The following TTC23 variants were observed in gnomAD, a reference collection of about 807,000 sequenced individuals.
The protein encoded by TTC23 is tetratricopeptide repeat protein 23.
In TTC23, 58 loss-of-function variants were observed where a neutral mutation model predicts 55.1. The observed-to-expected ratio is 1.05, with a 90% CI of 0.85 to 1.31. The LOEUF (loss-of-function observed/expected upper bound fraction) is 1.31, where lower values mean the gene tolerates loss of function less well. Ranked by LOEUF, TTC23 falls within the 50% of genes most tolerant of loss-of-function variation. The pLI is 0.00. For missense variants in TTC23, 516 were observed against 534.4 expected (o/e 0.97, Z 0.34); for synonymous variants, 203 against 199.9 (o/e 1.02, Z -0.13).
chr15:99,197,748 A>G lies in TTC23; in HGVS notation c.759+2171T>C, dbSNP rs2151985930. On this transcript the variant is annotated intron_variant, in intron 9 of 13. Transcript: ENST00000394132. ...TGGTAAAACATCATCTCTACTAAAA[A>G]TACAAAAATTAGCCAGGCATGGTGG... Among the ~76,000 whole-genome samples the G allele has an allele frequency of 3.3e-5, 5 of 152,042 alleles. No individual in the cohort carries two copies. The South Asian group carries it at 1.0e-3, about 32-fold the overall frequency.
At chr15:99,174,833 A>T (rs543892369) in intron 10 of TTC23, among the ~76,000 whole-genome samples, 1 of 152,372 alleles carries the variant, frequency 6.6e-6, no homozygotes, top group African/African-American at 2.4e-5. Context: ...TGTATTTAAG[A>T]ATAAAAGACT....
At position 99,138,096 on chromosome 15, in the gene TTC23, C is replaced by T. The variant is rs782004348; in HGVS notation, c.1258G>A (p.Ala420Thr). 9 of 1,613,218 alleles carry T rather than the reference C, an allele frequency of 5.6e-6. No individual in the cohort carries two copies. In the Admixed American group the frequency reaches 1.5e-4, roughly 27 times the overall value. The part of the protein sequence containing the change: ...APKVASKPRQ[A>T]SKAKVAFCTS... ...CAGAAGGCCACTTTGGCTTTTGATG[C>T]CTGCCTTGGCTTCGAAGCAACCTTG... The change falls in exon 14 of 14, where the codon GCA becomes ACA. Residue 420 changes from alanine to threonine, a missense_variant. Physicochemically the swap from Ala to Thr is moderately conservative, Grantham distance 58 (BLOSUM62 0). Coordinates refer to ENST00000394132, the MANE Select transcript of TTC23 (RefSeq NM_001288615.3).
chr15:99,142,935 C>T (rs1555491192), intron 12 of TTC23, among the ~76,000 whole-genome samples: 1 of 152,230 alleles, frequency 6.6e-6, no homozygotes, highest in Non-Finnish European at 1.5e-5. Context: ...CCTTACCCTA[C>T]CCCTAGACCT....
At chr15:99,162,670 C>A (rs924253358) in intron 10 of TTC23, among the ~76,000 whole-genome samples, 2 of 152,142 alleles carry the variant, frequency 1.3e-5, no homozygotes, top group Non-Finnish European at 2.9e-5. Flanking sequence ...CTAAGGTGAC[C>A]CGTGGCCCTT....
At chr15:99,225,970 T>C (rs1456726718) in intron 5 of TTC23, among the ~76,000 whole-genome samples, 1 of 152,242 alleles carries the variant, frequency 6.6e-6, no homozygotes, top group Admixed American at 6.5e-5. Context: ...CCTGTGGTAG[T>C]CCTGCTCCAA....
intron 9 of TTC23, among the ~76,000 whole-genome samples, chr15:99,192,732 G>T (rs2075345209): frequency 6.6e-6 from 1 of 152,218 alleles, no homozygotes; most frequent in Admixed American, 6.5e-5. Context: ...ACACTGCCTA[G>T]TGGAGCTGTG....
intron 4 of TTC23, among the ~76,000 whole-genome samples, chr15:99,230,060 A>G (rs1246235444): frequency 6.6e-6 from 1 of 152,224 alleles, no homozygotes; most frequent in Non-Finnish European, 1.5e-5. Flanking sequence ...GAAGCAGGAA[A>G]ACATGGCCCA....
At chr15:99,199,771 C>T (rs2076049880) in intron 9 of TTC23, 148 bp downstream of exon 9, 1 of 712,762 alleles carries the variant, frequency 1.4e-6, no homozygotes, top group Non-Finnish European at 2.2e-6. Context: ...GATAAGAACA[C>T]CTTTGTTGAG....
chr15:99,228,436 T>G, intron 5 of TTC23, 97 bp downstream of exon 5: 2 of 1,125,754 alleles, frequency 1.8e-6, no homozygotes, highest in Non-Finnish European at 2.5e-6. Flanking sequence ...ATCAAACTGC[T>G]GAGATTAGGA....
intron 8 of TTC23, among the ~76,000 whole-genome samples, chr15:99,210,606 T>C (rs1223322714): frequency 2.6e-5 from 4 of 152,190 alleles, no homozygotes; most frequent in African/African-American, 9.7e-5. Flanking sequence ...TGTGAGCATC[T>C]GTAAGAGCCT....
Position 99,221,904 on chromosome 15 carries a change from TAA to T in TTC23, c.181-42_181-41del, listed in dbSNP as rs752131154. 2.5e-6 allele frequency: 4 copies of T among 1,605,170 alleles called. No homozygotes were observed. In the Admixed American group the frequency reaches 5.1e-5, roughly 20 times the overall value. The stretch of plus-strand genomic sequence containing the variant: ...AAACAGGCTTACCAGTTATACAACT[TAA>T]GAGTCACAAAACACAAAATCAATGC... On this transcript the variant is annotated intron_variant, in intron 5 of 13. Coordinates refer to ENST00000394132, the MANE Select transcript of TTC23 (RefSeq NM_001288615.3).
intron 6 of TTC23, among the ~76,000 whole-genome samples, chr15:99,221,531 C>A (rs1466540990): frequency 1.3e-5 from 2 of 152,028 alleles, no homozygotes; most frequent in African/African-American, 4.8e-5. Flanking sequence ...AACAAAAAAA[C>A]CAGAAAAGTT....
In TTC23 at chr15:99,207,835, C is replaced by T. The variant is rs115222838; in HGVS notation, c.582-7739G>A. ...TTGAGAACTATAAGAAGCCTGAGGA[C>T]GCTGAATAACAAGAATTTACACACC... On this transcript the variant is annotated intron_variant, in intron 8 of 13. Coordinates refer to ENST00000394132, the MANE Select transcript of TTC23 (RefSeq NM_001288615.3). Among the ~76,000 whole-genome samples the T allele has an allele frequency of 2.5e-3, 386 of 152,184 alleles. 4 individuals are homozygous for T. Among genetic ancestry groups the T allele is most frequent in the African/African-American group, 8.9e-3 (370 of 41,512 alleles).
At chr15:99,248,774 G>A (rs1013308932) in intron 1 of TTC23, among the ~76,000 whole-genome samples, 2 of 152,124 alleles carry the variant, frequency 1.3e-5, no homozygotes, top group Non-Finnish European at 2.9e-5. Flanking sequence ...GTTCATCAAC[G>A]TTTCCTTGAT....
chr15:99,198,947 A>G (rs1007462487), intron 9 of TTC23, among the ~76,000 whole-genome samples: 1 of 152,242 alleles, frequency 6.6e-6, no homozygotes, highest in Non-Finnish European at 1.5e-5. Flanking sequence ...GGCATGATAC[A>G]ATATAAAGAC....
chr15:99,163,505 A>G lies in TTC23; in HGVS notation c.866-1638T>C, dbSNP rs2071661040. Among the ~76,000 whole-genome samples the G allele has an allele frequency of 1.3e-5, 2 of 152,236 alleles. 1 individual carries two copies. Among genetic ancestry groups the G allele is most frequent in the South Asian group, 4.1e-4 (2 of 4,832 alleles). On this transcript the variant is annotated intron_variant, in intron 10 of 13. Coordinates refer to ENST00000394132, the MANE Select transcript of TTC23 (RefSeq NM_001288615.3). ...TCTGAGCAGAGAAGCACGCCTTACC[A>G]CACCAGACTTCTAACCTACAGAACT... is the stretch of plus-strand genomic sequence containing the variant.
chr15:99,169,784 T>C (rs2072663440), intron 10 of TTC23, among the ~76,000 whole-genome samples: 1 of 152,136 alleles, frequency 6.6e-6, no homozygotes, highest in Admixed American at 6.5e-5. Context: ...GCGGGGGAGA[T>C]ATACATATTC....
intron 12 of TTC23, among the ~76,000 whole-genome samples, chr15:99,149,971 A>T (rs1169948322): frequency 6.6e-6 from 1 of 152,218 alleles, no homozygotes; most frequent in Non-Finnish European, 1.5e-5. Flanking sequence ...CCTGGGGTGC[A>T]GTGGCTGGGC....
rs776315871 is a variant in TTC23, at chr15:99,199,946, G to T, written c.732C>A (p.His244Gln). The change falls in exon 9 of 14, where the codon CAC (histidine) becomes CAA (glutamine). Residue 244 changes from histidine to glutamine, a missense_variant. Coordinates refer to ENST00000394132, the MANE Select transcript of TTC23 (RefSeq NM_001288615.3). ...GGAGGAAGTGGTTGATGGATACATCGTGGAGTCCCAGGGCTTGCTCTACAC... is the reference window on the plus strand; with the variant it reads ...GGAGGAAGTGGTTGATGGATACATCTTGGAGTCCCAGGGCTTGCTCTACAC... ...LAGVEQALGLHDVSINHFLQA... is the reference protein window; with the variant it reads ...LAGVEQALGLQDVSINHFLQA... 1.2e-6 allele frequency: 2 copies of T among 1,612,880 alleles called. No homozygotes were observed. Among genetic ancestry groups the T allele is most frequent in the African/African-American group, 1.3e-5 (1 of 74,958 alleles).
Sources: gnomAD v4.1 joint callset for allele counts (sites outside exome capture counted in the v4.1 genomes callset) on GRCh38, gnomAD v4.1.1 for gene constraint, MANE v1.5 for transcripts, NCBI Gene and HGNC (gene_info 2026-07-23, HGNC 2026-07-21) for gene names.